The following REC114 variants were observed in gnomAD, a reference collection of about 807,000 sequenced individuals.
REC114 encodes the protein meiotic recombination protein REC114.
Under a neutral mutation model 31.3 loss-of-function variants are expected in REC114, and 27 were observed. The ratio of observed to expected loss-of-function variants is 0.86; its 90% confidence interval spans 0.64 to 1.19. The LOEUF (loss-of-function observed/expected upper bound fraction) is 1.19. REC114 is among the 50% of genes most tolerant of loss of function. REC114 has a pLI of 0.00. For synonymous variants in REC114, 134 were observed against 127.7 expected, an observed-to-expected ratio of 1.05 and a Z score of -0.33; for missense variants, 344 against 326.9, an observed-to-expected ratio of 1.05 and a Z score of -0.40.
intron 2 of REC114, among the ~76,000 whole-genome samples, chr15:73,507,607 T>C (rs889465749): frequency 5.5e-4 from 84 of 152,292 alleles, no homozygotes; most frequent in African/African-American, 2.0e-3. Flanking sequence ...TCTGTACATA[T>C]GTATTAAATA....
intron 3 of REC114, 75 bp from the exon 4 acceptor site, chr15:73,550,863 C>T: frequency 7.2e-7 from 1 of 1,384,338 alleles, no homozygotes; most frequent in Non-Finnish European, 1.0e-6. Context: ...GCAAAGGAAA[C>T]ACTCAGTGGA....
chr15:73,469,488 G>C (rs568043230), intron 1 of REC114, among the ~76,000 whole-genome samples: 1 of 152,048 alleles, frequency 6.6e-6, no homozygotes, highest in African/African-American at 2.4e-5. Context: ...AGAGTGCAGT[G>C]GTGCAATCAT....
At chr15:73,485,979 G>C (rs1006670297) in intron 2 of REC114, among the ~76,000 whole-genome samples, 1 of 152,162 alleles carries the variant, frequency 6.6e-6, no homozygotes, top group African/African-American at 2.4e-5. Flanking sequence ...GCATTTTACT[G>C]TTCTACGTTT....
chr15:73,450,102 T>C (rs553368900), intron 1 of REC114, among the ~76,000 whole-genome samples: 1 of 152,330 alleles, frequency 6.6e-6, no homozygotes, highest in South Asian at 2.1e-4. Context: ...AATAACCAGC[T>C]AACATCATAA....
intron 1 of REC114, among the ~76,000 whole-genome samples, chr15:73,458,842 G>T (rs1287740965): frequency 1.3e-5 from 2 of 152,164 alleles, no homozygotes; most frequent in African/African-American, 4.8e-5. Flanking sequence ...GGTATATATG[G>T]TCTGTATTCC....
intron 4 of REC114, among the ~76,000 whole-genome samples, chr15:73,553,138 T>C (rs113539802): frequency 3.9e-5 from 6 of 152,344 alleles, no homozygotes; most frequent in Middle Eastern, 6.8e-3. Flanking sequence ...TTGTTACTCA[T>C]AATTTGTCTA....
chr15:73,474,011 C>G (rs1324258943), intron 2 of REC114, 90 bp downstream of exon 2: 1 of 812,930 alleles, frequency 1.2e-6, no homozygotes, highest in Non-Finnish European at 2.0e-6. Context: ...CTTCTTCAGT[C>G]TCACTGTAAT....
chr15:73,450,177 A>C (rs1456213781), intron 1 of REC114, among the ~76,000 whole-genome samples: 4 of 152,186 alleles, frequency 2.6e-5, no homozygotes, highest in Non-Finnish European at 5.9e-5. Context: ...GCCCCAATTA[A>C]AAGACACAGA....
chr15:73,535,709 C>T (rs1894145396), intron 2 of REC114, among the ~76,000 whole-genome samples: 1 of 145,984 alleles, frequency 6.9e-6, no homozygotes, highest in Non-Finnish European at 1.5e-5. Context: ...AAAGAGCCTG[C>T]ATCGCCAAGT....
chr15:73,507,621 A>C (rs1893698707), intron 2 of REC114, among the ~76,000 whole-genome samples: 1 of 152,204 alleles, frequency 6.6e-6, no homozygotes, highest in Non-Finnish European at 1.5e-5. Context: ...TTAAATATTA[A>C]ATAGACACTA....
At chr15:73,490,531 A>T (rs937686290) in intron 2 of REC114, among the ~76,000 whole-genome samples, 2 of 152,094 alleles carry the variant, frequency 1.3e-5, no homozygotes, top group African/African-American at 4.8e-5. Flanking sequence ...CAACATAATG[A>T]GACCCTATCT....
At chr15:73,446,755 A>C (rs898890892) in intron 1 of REC114, among the ~76,000 whole-genome samples, 2 of 152,232 alleles carry the variant, frequency 1.3e-5, no homozygotes, top group African/African-American at 2.4e-5. Flanking sequence ...AATAAGGGAA[A>C]TGGTAGCTTG....
intron 1 of REC114, among the ~76,000 whole-genome samples, chr15:73,467,768 A>T (rs915466650): frequency 2.6e-5 from 4 of 152,186 alleles, no homozygotes; most frequent in Admixed American, 2.0e-4. Context: ...CAAGCTATAA[A>T]CTTAGTGGCT....
intron 2 of REC114, among the ~76,000 whole-genome samples, chr15:73,493,801 A>T (rs1595869316): frequency 6.6e-6 from 1 of 152,250 alleles, no homozygotes; most frequent in African/African-American, 2.4e-5. Flanking sequence ...GTAGTTATTC[A>T]TCCACCCTTC....
intron 2 of REC114, among the ~76,000 whole-genome samples, chr15:73,526,923 T>C (rs1038348817): frequency 6.6e-6 from 1 of 152,140 alleles, no homozygotes; most frequent in Non-Finnish European, 1.5e-5. Flanking sequence ...TAATCTCTTT[T>C]AAGGTAGATC....
rs1188302176 is a variant in REC114, at chr15:73,550,951, T to C, written c.347T>C (p.Leu116Pro). Reference protein sequence around the residue: ...FGTTIKDKSRLFRVQFSGESK... With the variant: ...FGTTIKDKSRPFRVQFSGESK... ...TTTGTCAAACAGGACAAGAGTCGCC[T>C]GTTTCGAGTACAGTTCAGTGGAGAG... The change falls in exon 4 of 6, where the codon CTG becomes CCG. Residue 116 changes from leucine to proline, a missense_variant. Transcript: ENST00000331090. The C allele has an allele frequency of 6.2e-7, 1 of 1,613,872 alleles. No individual in the cohort carries two copies. The highest frequency in any genetic ancestry group is 8.5e-7 in the Non-Finnish European group (1 of 1,179,826).
At chr15:73,525,230 T>A (rs550887347) in intron 2 of REC114, among the ~76,000 whole-genome samples, 16 of 152,348 alleles carry the variant, frequency 1.1e-4, no homozygotes, top group African/African-American at 3.6e-4. Context: ...TGTTGTGCCA[T>A]CTTCTCTTTT....
chr15:73,463,643 A>G (rs768552313), intron 1 of REC114, among the ~76,000 whole-genome samples: 3 of 151,838 alleles, frequency 2.0e-5, no homozygotes, highest in Non-Finnish European at 3.0e-5. Flanking sequence ...CAACATAGTG[A>G]AACCCCATCT....
At chr15:73,453,291 A>AC (rs1368165641) in intron 1 of REC114, among the ~76,000 whole-genome samples, 1 of 152,192 alleles carries the variant, frequency 6.6e-6, no homozygotes, top group Non-Finnish European at 1.5e-5. Context: ...TTACAAGAAA[A>AC]AGTCAACCCC....
Sources: allele counts gnomAD v4.1 joint callset (sites outside exome capture counted in the v4.1 genomes callset), GRCh38; gene constraint gnomAD v4.1.1; transcripts MANE v1.5; gene names NCBI Gene and HGNC (gene_info 2026-07-23, HGNC 2026-07-21).